MEMO1: variants seen among roughly 807,000 people sequenced by gnomAD.
MEMO1 encodes protein MEMO1.
Under a neutral mutation model 45.2 loss-of-function variants are expected in MEMO1, and 6 were observed. The ratio of observed to expected loss-of-function variants is 0.13; its 90% CI spans 0.07 to 0.26. The LOEUF is 0.26. Ranked by LOEUF, MEMO1 falls within the 10% of genes least tolerant of loss-of-function variation. The probability of loss-of-function intolerance (pLI) is 1.00; values close to 1 mark genes in which losing one functional copy is unlikely to be tolerated. For missense variants in MEMO1, 184 were observed against 370.5 expected, an observed-to-expected ratio of 0.50 and a Z score of 4.13; for synonymous variants, 78 against 124.3, an observed-to-expected ratio of 0.63 and a Z score of 2.48.
At chr2:31,907,384 G>C (rs1679912237) in intron 6 of MEMO1, among the ~76,000 whole-genome samples, 1 of 152,000 alleles carries the variant, frequency 6.6e-6, no homozygotes, top group Non-Finnish European at 1.5e-5. Context: ...CTTAAACATA[G>C]ATTAGTACAA....
chr2:31,985,701 T>C (rs1368263160), intron 2 of MEMO1, among the ~76,000 whole-genome samples: 4 of 152,252 alleles, frequency 2.6e-5, no homozygotes, highest in Non-Finnish European at 5.9e-5. Flanking sequence ...GAATCACATT[T>C]ACTCATTTAT....
At chr2:31,981,024 AAAT>A (rs1307041880) in intron 2 of MEMO1, among the ~76,000 whole-genome samples, 1 of 152,246 alleles carries the variant, frequency 6.6e-6, no homozygotes, top group African/African-American at 2.4e-5. Context: ...CACACAGTTT[AAAT>A]AGTCAATCGT....
intron 7 of MEMO1, 83 bp downstream of exon 7, chr2:31,891,909 G>A: frequency 7.2e-7 from 1 of 1,381,746 alleles, no homozygotes; most frequent in East Asian, 2.3e-5. Flanking sequence ...ATAAAAAACT[G>A]AAAATCAGAG....
chr2:31,986,932 A>T (rs1343521668), intron 2 of MEMO1, among the ~76,000 whole-genome samples: 1 of 152,214 alleles, frequency 6.6e-6, no homozygotes, highest in Non-Finnish European at 1.5e-5. Flanking sequence ...CGGAAGAGAG[A>T]ACAGCAAATG....
chr2:31,901,315 G>C (rs924609592), intron 6 of MEMO1, among the ~76,000 whole-genome samples: 2 of 134,580 alleles, frequency 1.5e-5, no homozygotes, highest in South Asian at 2.5e-4. Flanking sequence ...GGAGGTTGCA[G>C]TGAGCCAAGA....
intron 2 of MEMO1, among the ~76,000 whole-genome samples, chr2:32,001,677 T>C (rs1402337913): frequency 6.6e-6 from 1 of 152,078 alleles, no homozygotes; most frequent in East Asian, 1.9e-4. Flanking sequence ...AACAGTAAGC[T>C]TTAGCCAGAA....
At chr2:31,896,574 C>G (rs541609578) in intron 6 of MEMO1, among the ~76,000 whole-genome samples, 28 of 152,040 alleles carry the variant, frequency 1.8e-4, no homozygotes, top group African/African-American at 4.6e-4. Flanking sequence ...TGTTCAAGAA[C>G]GAAACAAAGG....
chr2:32,000,607 C>T (rs909195477), intron 2 of MEMO1, among the ~76,000 whole-genome samples: 2 of 152,088 alleles, frequency 1.3e-5, no homozygotes, highest in African/African-American at 4.8e-5. Flanking sequence ...CTCAAGTGAT[C>T]CGCCCTCCTC....
At chr2:31,937,668 G>A (rs1339034945) in intron 3 of MEMO1, among the ~76,000 whole-genome samples, 1 of 152,132 alleles carries the variant, frequency 6.6e-6, no homozygotes, top group East Asian at 1.9e-4. Context: ...ATGAAAAGTG[G>A]AAGTATCCTT....
chr2:31,935,668 T>C (rs1048431281), intron 3 of MEMO1, among the ~76,000 whole-genome samples: 1 of 152,172 alleles, frequency 6.6e-6, no homozygotes, highest in South Asian at 2.1e-4. Context: ...ATTTCCTTTA[T>C]CCTCGCCCAG....
chr2:31,985,173 G>T (rs1042893050), intron 2 of MEMO1, among the ~76,000 whole-genome samples: 1 of 152,018 alleles, frequency 6.6e-6, no homozygotes, highest in Non-Finnish European at 1.5e-5. Flanking sequence ...GTAAAACATG[G>T]TCCCCACTGG....
chr2:31,888,852 T>C (rs1293425754), intron 7 of MEMO1, among the ~76,000 whole-genome samples: 1 of 152,078 alleles, frequency 6.6e-6, no homozygotes, highest in East Asian at 1.9e-4. Flanking sequence ...TCTAGGTTCC[T>C]GTCTCTCCCT....
At chr2:31,971,167 T>G (rs888562224) in intron 2 of MEMO1, among the ~76,000 whole-genome samples, 1 of 152,228 alleles carries the variant, frequency 6.6e-6, no homozygotes, top group African/African-American at 2.4e-5. Flanking sequence ...CAGGATATGT[T>G]TGCTGTTAAA....
chr2:31,938,945 C>A (rs1572745642), intron 3 of MEMO1, among the ~76,000 whole-genome samples: 1 of 151,576 alleles, frequency 6.6e-6, no homozygotes, highest in African/African-American at 2.4e-5. Context: ...TGCCACCACA[C>A]CCAGCTAATT....
At chr2:31,977,168 T>C (rs1169619208) in intron 2 of MEMO1, among the ~76,000 whole-genome samples, 1 of 151,860 alleles carries the variant, frequency 6.6e-6, no homozygotes, top group Non-Finnish European at 1.5e-5. Context: ...AGCATAGAAG[T>C]GGATATGACA....
chr2:31,943,712 A>G (rs1255863871), intron 2 of MEMO1, among the ~76,000 whole-genome samples: 8 of 152,230 alleles, frequency 5.3e-5, no homozygotes. Context: ...CAGTGTATGA[A>G]GAGGAAATAA....
chr2:31,953,901 C>T (rs1053936466), intron 2 of MEMO1, among the ~76,000 whole-genome samples: 1 of 152,122 alleles, frequency 6.6e-6, no homozygotes, highest in African/African-American at 2.4e-5. Flanking sequence ...ACCCATGCTC[C>T]CATTTGCTAA....
chr2:31,929,217 TATTA>T (rs761785212), intron 4 of MEMO1, among the ~76,000 whole-genome samples: 3 of 152,206 alleles, frequency 2.0e-5, no homozygotes, highest in Non-Finnish European at 2.9e-5. Context: ...TTTTTATTTT[TATTA>T]ATTACATTTA....
At chr2:32,001,632 A>C (rs957076888) in intron 2 of MEMO1, among the ~76,000 whole-genome samples, 4 of 151,980 alleles carry the variant, frequency 2.6e-5, no homozygotes, top group African/African-American at 9.7e-5. Context: ...GTTACGACTC[A>C]TACAAGCCTC....
Sources: allele counts gnomAD v4.1 joint callset (sites outside exome capture counted in the v4.1 genomes callset), GRCh38; gene constraint gnomAD v4.1.1; transcripts MANE v1.5; gene names NCBI Gene and HGNC (gene_info 2026-07-23, HGNC 2026-07-21).